GLG1: variants seen among roughly 807,000 people sequenced by gnomAD.
GLG1 encodes the protein Golgi apparatus protein 1.
A neutral mutation model predicts 160.5 loss-of-function variants in GLG1; 38 were observed. That is an observed-to-expected ratio of 0.24 (90% CI 0.18 to 0.31). GLG1 has a LOEUF of 0.31. Among genes scored for constraint, GLG1 ranks in the 10% least tolerant of loss-of-function variants. The probability of loss-of-function intolerance (pLI) is 1.00; values close to 1 mark genes in which losing one functional copy is unlikely to be tolerated. For missense variants in GLG1, 1,373 were observed against 1,505.2 expected (o/e 0.91, Z 1.45); for synonymous variants, 644 against 543.4 (o/e 1.19, Z -2.57).
chr16:74,606,238 C>T (rs1031853556), intron 1 of GLG1, among the ~76,000 whole-genome samples: 1 of 152,232 alleles, frequency 6.6e-6, no homozygotes, highest in Non-Finnish European at 1.5e-5. Flanking sequence ...TCATTCTTTA[C>T]AGCCTAAGTA....
chr16:74,508,824 T>G lies in GLG1; in HGVS notation c.558+15A>C. Reference sequence around the variant, plus strand: ...CTAAGCCATTAGTTGTCTACAAAATTCTTTGACAACTTACCTCTGTTATAG... The same window carrying G: ...CTAAGCCATTAGTTGTCTACAAAATGCTTTGACAACTTACCTCTGTTATAG... On this transcript the variant is annotated intron_variant, in intron 3 of 25. Coordinates refer to ENST00000422840, the MANE Select transcript of GLG1 (RefSeq NM_001145667.2). 8.6e-7 allele frequency: 1 copy of G among 1,160,432 alleles called. No homozygotes were observed. The highest frequency in any genetic ancestry group is 1.3e-6 in the Non-Finnish European group (1 of 767,928). The allele number at this position is 1,160,432 out of a possible 1,614,324, so 71.9% of individuals were successfully genotyped here. A position where few individuals can be genotyped will look rare whatever the true frequency, so the allele number is the denominator to read the frequency against.
chr16:74,592,502 G>A (rs1490653398), intron 1 of GLG1, among the ~76,000 whole-genome samples: 1 of 152,118 alleles, frequency 6.6e-6, no homozygotes, highest in African/African-American at 2.4e-5. Flanking sequence ...TATATAAAGG[G>A]TGTGAAGCAT....
chr16:74,498,636 G>A (rs1366466676), intron 4 of GLG1, among the ~76,000 whole-genome samples: 22 of 148,768 alleles, frequency 1.5e-4, no homozygotes, highest in Non-Finnish European at 2.8e-4. Flanking sequence ...AGGCCGAGGC[G>A]GGTGGATCAT....
chr16:74,490,589 A>G (rs1389873191), intron 8 of GLG1, among the ~76,000 whole-genome samples: 1 of 152,208 alleles, frequency 6.6e-6, no homozygotes, highest in African/African-American at 2.4e-5. Flanking sequence ...TTCAATTCAT[A>G]TCAACTCTTT....
rs1281828717 is a variant in GLG1, at chr16:74,542,716, GGGAAGGAAGGAAGGAAGGGAGGAA to G, written c.439-10587_439-10564del. Reference sequence around the variant, plus strand: ...AAGGAGGGAGGGAGGAAGGGAAGAAGGGAAGGAAGGAAGGAAGGGAGGAAGGAAGGAAGGAAGGAAGGAAGGAAG... The same window carrying G: ...AAGGAGGGAGGGAGGAAGGGAAGAAGGGAAGGAAGGAAGGAAGGAAGGAAG... On this transcript the variant is annotated intron_variant, in intron 1 of 25. Coordinates refer to ENST00000422840, the MANE Select transcript of GLG1 (RefSeq NM_001145667.2). Among the ~76,000 whole-genome samples the G allele has an allele frequency of 4.9e-3, 146 of 29,784 alleles. 8 individuals carry two copies. The highest frequency in any genetic ancestry group is 0.018 in the African/African-American group (142 of 7,942). 19.5% of individuals were successfully genotyped at this position (29,784 alleles called of 152,430 possible). A position where few individuals can be genotyped will look rare whatever the true frequency, so the allele number is the denominator to read the frequency against.
At position 74,449,120 on chromosome 16, in the gene GLG1, A is replaced by G. The variant is rs927454597; in HGVS notation, c.*4047T>C. 2.6e-5 allele frequency: 4 copies of G among 152,216 alleles called. No homozygotes were observed. The highest frequency in any genetic ancestry group is 9.7e-5 in the African/African-American group (4 of 41,430). 9.4% of individuals were successfully genotyped at this position (152,216 alleles called of 1,614,324 possible). ...ATCTCAGAAACAAAACAAAAAACCA[A>G]AAAAGCCATTACGGCCAAAATTTAG... On this transcript the variant is annotated 3_prime_UTR_variant, in exon 26 of 26. Transcript: ENST00000422840.
At chr16:74,577,522 CAAAA>C (rs71376222) in intron 1 of GLG1, among the ~76,000 whole-genome samples, 4 of 120,230 alleles carry the variant, frequency 3.3e-5, no homozygotes, top group Non-Finnish European at 1.7e-5. Context: ...AACTCCATCT[CAAAA>C]AAAAAAAAAA....
intron 3 of GLG1, among the ~76,000 whole-genome samples, chr16:74,506,860 C>T (rs1483715173): frequency 6.6e-6 from 1 of 152,122 alleles, no homozygotes; most frequent in East Asian, 1.9e-4. Context: ...ACTAAATCAT[C>T]ATCAACATAT....
chr16:74,606,960 G>A lies in GLG1; in HGVS notation c.135C>T (p.Asn45=). The A allele has an allele frequency of 6.2e-7, 1 of 1,608,760 alleles. No homozygotes were observed. Among genetic ancestry groups the A allele is most frequent in the Non-Finnish European group, 8.5e-7 (1 of 1,178,972 alleles). ...CGGCCTGCCCTACGAAGGACACAAAGTTGGCCCCGGGACCCTGGCCCTGGC... is the reference window on the plus strand; with the variant it reads ...CGGCCTGCCCTACGAAGGACACAAAATTGGCCCCGGGACCCTGGCCCTGGC... ...VHSQGQGPGA[N]FVSFVGQAGG... Residue 45 remains asparagine (N), a synonymous_variant, in exon 1 of 26, where the codon AAC becomes AAT. Coordinates refer to ENST00000422840, the MANE Select transcript of GLG1 (RefSeq NM_001145667.2).
intron 12 of GLG1, among the ~76,000 whole-genome samples, chr16:74,476,338 G>C (rs1226016492): frequency 6.6e-6 from 1 of 152,176 alleles, no homozygotes; most frequent in Non-Finnish European, 1.5e-5. Flanking sequence ...AGAGGCAACA[G>C]AAAGCTCAAC....
intron 1 of GLG1, among the ~76,000 whole-genome samples, chr16:74,601,400 C>A (rs1958436543): frequency 6.6e-6 from 1 of 150,738 alleles, no homozygotes; most frequent in Non-Finnish European, 1.5e-5. Flanking sequence ...GGCAACCCGG[C>A]AAGACCTTGT....
At chr16:74,573,090 T>C (rs1025419692) in intron 1 of GLG1, among the ~76,000 whole-genome samples, 10 of 152,138 alleles carry the variant, frequency 6.6e-5, no homozygotes, top group Middle Eastern at 3.2e-3. Flanking sequence ...GAGTAGATAG[T>C]AGGAAAAACT....
chr16:74,588,592 T>C (rs1958101847), intron 1 of GLG1, among the ~76,000 whole-genome samples: 1 of 152,040 alleles, frequency 6.6e-6, no homozygotes, highest in African/African-American at 2.4e-5. Flanking sequence ...CTAATTTTTG[T>C]ATGTTTTGTA....
At chr16:74,598,442 A>C (rs905167114) in intron 1 of GLG1, among the ~76,000 whole-genome samples, 1 of 151,140 alleles carries the variant, frequency 6.6e-6, no homozygotes, top group Middle Eastern at 3.2e-3. Flanking sequence ...AATCACTTGA[A>C]CCCAGGAGGT....
intron 3 of GLG1, among the ~76,000 whole-genome samples, chr16:74,504,260 G>C (rs1391755198): frequency 6.6e-6 from 1 of 152,082 alleles, no homozygotes; most frequent in Non-Finnish European, 1.5e-5. Context: ...CAGGAGGGAA[G>C]GTGTAATATT....
At chr16:74,481,206 T>C (rs970024293) in intron 10 of GLG1, among the ~76,000 whole-genome samples, 6 of 152,244 alleles carry the variant, frequency 3.9e-5, no homozygotes, top group African/African-American at 7.2e-5. Context: ...TTCTCTCTTC[T>C]TCCTGTGCCA....
chr16:74,477,358 T>A, intron 12 of GLG1, 38 bp downstream of exon 12: 1 of 1,501,428 alleles, frequency 6.7e-7, no homozygotes, highest in Non-Finnish European at 9.3e-7. Flanking sequence ...ATTAACATCA[T>A]CATTATTGTA....
chr16:74,458,534 C>T (rs2014653830), intron 23 of GLG1, among the ~76,000 whole-genome samples: 1 of 152,048 alleles, frequency 6.6e-6, no homozygotes, highest in Non-Finnish European at 1.5e-5. Context: ...AAAAAATTAG[C>T]TGGGCATAAT....
chr16:74,536,697 G>A (rs1268854687), intron 1 of GLG1, among the ~76,000 whole-genome samples: 2 of 152,100 alleles, frequency 1.3e-5, no homozygotes, highest in East Asian at 3.9e-4. Flanking sequence ...TTTAATTTAT[G>A]TTTTAACGTA....
Sources: gnomAD v4.1 joint callset for allele counts (sites outside exome capture counted in the v4.1 genomes callset) on GRCh38, gnomAD v4.1.1 for gene constraint, MANE v1.5 for transcripts, NCBI Gene and HGNC (gene_info 2026-07-23, HGNC 2026-07-21) for gene names.